The following KIF21B variants were observed in gnomAD, a reference collection of about 807,000 sequenced individuals.
The protein encoded by KIF21B is kinesin-like protein KIF21B.
A neutral mutation model predicts 192.9 loss-of-function variants in KIF21B; 85 were observed. The ratio of observed to expected loss-of-function variants is 0.44; its 90% CI spans 0.37 to 0.53. The LOEUF is 0.53. Among genes scored for constraint, KIF21B ranks in the 20% least tolerant of loss-of-function variants. The pLI is 0.00. For missense variants in KIF21B, 1,716 were observed against 2,194.8 expected (o/e 0.78, Z 4.36); for synonymous variants, 832 against 884.6 (o/e 0.94, Z 1.05).
chr1:201,002,566 T>A (rs1657562395), intron 8 of KIF21B: 1 of 512,550 alleles, frequency 2.0e-6, no homozygotes, highest in Non-Finnish European at 3.5e-6. Context: ...AAGTCCAAAT[T>A]TTGTAACCAG....
At chr1:201,008,983 TG>T (rs1658076483) in intron 2 of KIF21B, 32 bp from the exon 3 acceptor site, 1 of 1,579,448 alleles carries the variant, frequency 6.3e-7, no homozygotes. Flanking sequence ...GGTGTAACCC[TG>T]CACCCTTTGG....
Position 200,990,632 on chromosome 1 carries a change from C to A in KIF21B, c.2779G>T (p.Val927Phe). 6.2e-7 allele frequency: 1 copy of A among 1,614,168 alleles called. No individual in the cohort carries two copies. The highest frequency in any genetic ancestry group is 8.5e-7 in the Non-Finnish European group (1 of 1,180,030). The change falls in exon 19 of 35, where the codon GTC becomes TTC. Residue 927 changes from valine (V) to phenylalanine (F), a missense_variant. Physicochemically the swap from Val to Phe is conservative, Grantham distance 50 (BLOSUM62 -1). Around this residue, in one of 3 missense-constraint regions of KIF21B, gnomAD observed 1,087 missense variants for 1,316.6 expected, o/e 0.83. Transcript: ENST00000461742. The surrounding 1 kb of genome is among the most constrained non-coding windows in gnomAD (Gnocchi z 5.4). Reference protein sequence around the residue: ...QSLERRIIDIVMQRMTIVNLE... With the variant: ...QSLERRIIDIFMQRMTIVNLE... ...TTGACAATGGTCATTCTCTGCATGA[C>A]GATGTCAATGATCCGTCGCTCCAGG... is the stretch of plus-strand genomic sequence containing the variant.
rs925155452 is a variant in KIF21B at position 201,002,586 on chromosome 1, G to C, written c.1213-236C>G. On this transcript the variant is annotated intron_variant, in intron 8 of 34. Coordinates refer to ENST00000461742, the MANE Select transcript of KIF21B (RefSeq NM_001252102.2). The stretch of plus-strand genomic sequence containing the variant: ...CAAATTTTGTAACCAGCCACTGAAG[G>C]CCTCTCACAATCTTACTTGACCTAA... 16 of 507,162 alleles carry C rather than the reference G, an allele frequency of 3.2e-5. No individual in the cohort carries two copies. In the Admixed American group the frequency reaches 4.3e-4, roughly 14 times the overall value. The allele number at this position is 507,162 out of a possible 1,614,324, so 31.4% of individuals were successfully genotyped here.
At position 200,981,166 on chromosome 1, in the gene KIF21B, C is replaced by G. The variant is rs549458522; in HGVS notation, c.3843-70G>C. ...GACTGTGGCCAGGCTGATCAAGGCA[C>G]GTGTGTGGGATGGGGACAGGGCAGG... On this transcript the variant is annotated intron_variant, in intron 28 of 34. Transcript: ENST00000461742. 4 of 1,505,118 alleles carry G rather than the reference C, an allele frequency of 2.7e-6. No individual in the cohort carries two copies. In the South Asian group the frequency reaches 3.9e-5, roughly 15 times the overall value. 93.2% of individuals were successfully genotyped at this position (1,505,118 alleles called of 1,614,324 possible). A position where few individuals can be genotyped will look rare whatever the true frequency, so the allele number is the denominator to read the frequency against.
rs759202721 is a variant in KIF21B, at chr1:200,998,102, G to C, written c.2077+282C>G. ...AAAAGACCCAAGGAACTGAGTGCAG[G>C]AGGAAAGGCTGGGAGTGTCATGTTC... is the stretch of plus-strand genomic sequence containing the variant. On this transcript the variant is annotated intron_variant, in intron 14 of 34. Coordinates refer to ENST00000461742, the MANE Select transcript of KIF21B (RefSeq NM_001252102.2). The surrounding 1 kb of genome is among the most constrained non-coding windows in gnomAD (Gnocchi z 4.3). Among the ~76,000 whole-genome samples the C allele has an allele frequency of 6.6e-6, 1 of 152,226 alleles. No individual in the cohort carries two copies. The highest frequency in any genetic ancestry group is 1.5e-5 in the Non-Finnish European group (1 of 68,036).
chr1:200,973,778 C>A (rs962631828), intron 34 of KIF21B, 200 bp from the exon 35 acceptor site: 3 of 1,442,114 alleles, frequency 2.1e-6, no homozygotes, highest in South Asian at 1.5e-5. Flanking sequence ...CACTCAGAGG[C>A]CCCCAGGGGA....
chr1:200,985,506 C>T (rs1656224591), intron 26 of KIF21B, among the ~76,000 whole-genome samples: 1 of 152,050 alleles, frequency 6.6e-6, no homozygotes. Context: ...AAAAAATCCT[C>T]CTGCCTCCCA....
intron 1 of KIF21B, among the ~76,000 whole-genome samples, chr1:201,019,155 G>A (rs1356210480): frequency 2.6e-5 from 4 of 152,136 alleles, no homozygotes; most frequent in African/African-American, 9.7e-5. Context: ...GGCTGGTCTT[G>A]AACTCCTGAC....
In KIF21B at chr1:200,999,836, G is replaced by C. The variant is rs1657351988; in HGVS notation, c.1767+47C>G. 1 of 1,597,426 alleles carries C rather than the reference G, an allele frequency of 6.3e-7. No individual in the cohort carries two copies. The highest frequency in any genetic ancestry group is 1.7e-4 in the Middle Eastern group (1 of 6,046). ...TGGGGCCCCCGCCAACCCCAGCAGG[G>C]ACACAAGGCATGCATGTGGTGAGGT... On this transcript the variant is annotated intron_variant, in intron 12 of 34. Transcript: ENST00000461742. This position sits in a 1 kb window ranked among gnomAD's most constrained non-coding sequence, Gnocchi z 4.7.
rs781031353 is a variant in KIF21B at position 200,988,897 on chromosome 1, C to T, written c.3167G>A (p.Arg1056Gln). The change falls in exon 22 of 35, where the codon CGG becomes CAG. Residue 1056 changes from arginine (R) to glutamine (Q), a missense_variant. Coordinates refer to ENST00000461742, the MANE Select transcript of KIF21B (RefSeq NM_001252102.2). ...CTGCCTCAGTCGGCCCTCCAACAGC[C>T]GGATCTGGGCTTCCTTTTGTGCCAC... ...LQVAQKEAQI[R>Q]LLEGRLRQTD... 1.4e-5 allele frequency: 23 copies of T among 1,612,328 alleles called. No individual in the cohort carries two copies. Among genetic ancestry groups the T allele is most frequent in the South Asian group, 6.6e-5 (6 of 90,778 alleles).
At position 200,990,092 on chromosome 1, in the gene KIF21B, C is replaced by T. The variant is rs776376421; in HGVS notation, c.3030+46G>A. On this transcript the variant is annotated intron_variant, in intron 20 of 34. Transcript: ENST00000461742. This position sits in a 1 kb window ranked among gnomAD's most constrained non-coding sequence, Gnocchi z 5.4. ...CCGTCACCTGGGGCTACCCCTGCCA[C>T]CCATCTCTCCCGCCTCCGCCCCAGC... 8 of 1,610,422 alleles carry T rather than the reference C, an allele frequency of 5.0e-6. No individual in the cohort carries two copies. Among genetic ancestry groups the T allele is most frequent in the Non-Finnish European group, 5.9e-6 (7 of 1,177,288 alleles).
In KIF21B at chr1:201,003,682, G is replaced by A; in HGVS notation, c.1116C>T (p.Asn372=). ...TCTTGTCCTGGTTCACTACCACCTT[G>A]TTCTTGATGTTGCGGGCCCGATTGG... ...KYANRARNIK[N]KVVVNQDKTS... Residue 372 remains asparagine, a synonymous_variant, in exon 8 of 35, where the codon AAC becomes AAT. Transcript: ENST00000461742. 1 of 1,614,202 alleles carries A rather than the reference G, an allele frequency of 6.2e-7. No homozygotes were observed. Among genetic ancestry groups the A allele is most frequent in the South Asian group, 1.1e-5 (1 of 91,082 alleles).
At chr1:200,977,462 C>T (rs779147965) in intron 30 of KIF21B, 86 bp from the exon 31 acceptor site, 37 of 1,462,918 alleles carry the variant, frequency 2.5e-5, no homozygotes, top group Non-Finnish European at 3.4e-5. Context: ...CTAAGACCAG[C>T]CCAAATAACC....
intron 1 of KIF21B, among the ~76,000 whole-genome samples, chr1:201,013,196 C>T (rs1336272490): frequency 1.3e-5 from 2 of 152,212 alleles, no homozygotes; most frequent in Non-Finnish European, 2.9e-5. Context: ...GACAAGAGGG[C>T]TGGGAGACAT....
intron 21 of KIF21B, 25 bp downstream of exon 21, chr1:200,989,917 C>G (rs772367062): frequency 4.4e-6 from 7 of 1,581,870 alleles, no homozygotes; most frequent in Non-Finnish European, 6.1e-6. Context: ...ATAGAGCCCC[C>G]TGCCCATGTA....
intron 16 of KIF21B, 57 bp from the exon 17 acceptor site, chr1:200,991,782 C>T: frequency 6.4e-7 from 1 of 1,566,722 alleles, no homozygotes; most frequent in African/African-American, 1.4e-5. Flanking sequence ...CCCTCTCTGT[C>T]TGTGTACAGG....
chr1:201,011,026 G>C (rs1187435815), intron 1 of KIF21B, among the ~76,000 whole-genome samples: 5 of 152,180 alleles, frequency 3.3e-5, no homozygotes. Flanking sequence ...ATAGGTCAGT[G>C]GTTCTCCCCT....
chr1:200,990,704 C>A lies in KIF21B; in HGVS notation c.2707G>T (p.Gly903Trp). Residue 903 changes from glycine (G) to tryptophan (W), a missense_variant, in exon 19 of 35, where the codon GGG (glycine) becomes TGG (tryptophan). By Grantham distance (184) the Gly-to-Trp change is radical. Around this residue, in one of 3 missense-constraint regions of KIF21B, gnomAD observed 1,087 missense variants for 1,316.6 expected, o/e 0.83. Transcript: ENST00000461742. The surrounding 1 kb of genome is among the most constrained non-coding windows in gnomAD (Gnocchi z 5.4). ...GCCTTACTGAAGCTCTGGCTGGCCC[C>A]CTTCTTCTGGAACTTCTTTCTGGGA... ...RPARKKFQKK[G>W]ASQSFSKAAR... The A allele has an allele frequency of 1.2e-6, 2 of 1,614,168 alleles. No homozygotes were observed. The highest frequency in any genetic ancestry group is 1.7e-6 in the Non-Finnish European group (2 of 1,180,018).
chr1:200,996,292 G>C lies in KIF21B; in HGVS notation c.2181C>G (p.Ala727=). 6.2e-7 allele frequency: 1 copy of C among 1,614,042 alleles called. No homozygotes were observed. Among genetic ancestry groups the C allele is most frequent in the Non-Finnish European group, 8.5e-7 (1 of 1,180,002 alleles). Residue 727 remains alanine, a synonymous_variant, in exon 15 of 35, where the codon GCC becomes GCG. Transcript: ENST00000461742. The stretch of plus-strand genomic sequence containing the variant: ...TAAGCAGCCGGGCGTGCTCTTTCTG[G>C]GCGGCCTGCAGCTTCTGCAGGTCCC... ...MNRDLQKLQA[A]QKEHARLLKN...
Sources: allele counts gnomAD v4.1 joint callset (sites outside exome capture counted in the v4.1 genomes callset), GRCh38; gene constraint gnomAD v4.1.1; regional missense constraint gnomAD v4.1.1; non-coding constraint Gnocchi (gnomAD v3.1); transcripts MANE v1.5; gene names NCBI Gene and HGNC (gene_info 2026-07-23, HGNC 2026-07-21).